Variants in ZNF532 observed in about 807,000 individuals in gnomAD.
ZNF532 encodes the protein zinc finger protein 532.
ZNF532 carries 22 observed loss-of-function variants against 89.3 expected under a neutral mutation model. The observed-to-expected ratio is 0.25, with a 90% CI of 0.18 to 0.35. ZNF532 has a LOEUF of 0.35. Among genes scored for constraint, ZNF532 ranks in the 10% least tolerant of loss-of-function variants. ZNF532 has a pLI of 1.00. For missense variants in ZNF532, 1,132 were observed against 1,643.4 expected (o/e 0.69, Z 5.38); for synonymous variants, 606 against 649.6 (o/e 0.93, Z 1.02).
At chr18:58,892,707 G>A (rs1269087013) in intron 2 of ZNF532, among the ~76,000 whole-genome samples, 3 of 152,282 alleles carry the variant, frequency 2.0e-5, no homozygotes, top group Admixed American at 2.0e-4. Flanking sequence ...TTGTGATGCA[G>A]AAGCAATGTT....
intron 2 of ZNF532, among the ~76,000 whole-genome samples, chr18:58,911,867 G>A (rs1568298137): frequency 6.6e-6 from 1 of 152,222 alleles, no homozygotes; most frequent in Non-Finnish European, 1.5e-5. Flanking sequence ...CTGAGCTTTC[G>A]TTTTGACCCA....
rs1375040476 is a variant in ZNF532 at position 58,888,739 on chromosome 18, T to A, written c.-18+23160T>A. Among the ~76,000 whole-genome samples, 222 of 46,840 alleles carry A rather than the reference T, an allele frequency of 4.7e-3. 13 individuals are homozygous for A. Among genetic ancestry groups the A allele is most frequent in the African/African-American group, 0.028 (198 of 7,018 alleles). 30.7% of individuals were successfully genotyped at this position (46,840 alleles called of 152,430 possible). On this transcript the variant is annotated intron_variant, in intron 2 of 9. Transcript: ENST00000591808. Reference sequence around the variant, plus strand: ...TATATATATATAAATTATATATATATATTTTATATATATATAAAATTAATA... The same window carrying A: ...TATATATATATAAATTATATATATAAATTTTATATATATATAAAATTAATA...
In ZNF532 at chr18:58,919,001, A is replaced by G; in HGVS notation, c.714A>G (p.Arg238=). The change falls in exon 3 of 10, where the codon AGA becomes AGG. Residue 238 remains arginine, a synonymous_variant. Coordinates refer to ENST00000591808, the MANE Select transcript of ZNF532 (RefSeq NM_001375912.1). This position sits in a 1 kb window ranked among gnomAD's most constrained non-coding sequence, Gnocchi z 6.1. ...KESSDKVLEN[R]VLDGKLSSEK... is the part of the protein sequence containing the mutation. Reference sequence around the variant, plus strand: ...GCTCTGACAAGGTGCTGGAAAACAGAGTCCTAGATGGGAAGCTGAGCTCCG... The same window carrying G: ...GCTCTGACAAGGTGCTGGAAAACAGGGTCCTAGATGGGAAGCTGAGCTCCG... 2 of 1,613,558 alleles carry G rather than the reference A, an allele frequency of 1.2e-6. No homozygotes were observed. The highest frequency in any genetic ancestry group is 1.7e-6 in the Non-Finnish European group (2 of 1,180,040).
upstream of ZNF532, chr18:58,863,035 T>C (rs1414226916): frequency 6.6e-6 from 1 of 152,232 alleles, no homozygotes; most frequent in African/African-American, 2.4e-5. Flanking sequence ...TGTCCGAAGA[T>C]AGCGTGCTCT....
At chr18:58,983,899 A>G in intron 9 of ZNF532, 73 bp from the exon 10 acceptor site, 1 of 1,527,844 alleles carries the variant, frequency 6.5e-7, no homozygotes, top group Non-Finnish European at 8.8e-7. Context: ...CTCTAAAGTA[A>G]GAGAACCGAT....
rs2058532324 is a variant in ZNF532, at chr18:58,888,741, T to TTTTATATATATAAAATATATATATAA, written c.-18+23174_-18+23175insAAATATATATATAATTTATATATATA. Among the ~76,000 whole-genome samples the TTTTATATATATAAAATATATATATAA allele has an allele frequency of 5.9e-4, 18 of 30,444 alleles. 1 individual carries two copies. The highest frequency in any genetic ancestry group is 4.0e-3 in the Admixed American group (6 of 1,502). 20.0% of individuals were successfully genotyped at this position (30,444 alleles called of 152,430 possible). A position where few individuals can be genotyped will look rare whatever the true frequency, so the allele number is the denominator to read the frequency against. ...TATATATATAAATTATATATATATA[T>TTTTATATATATAAAATATATATATAA]TTTATATATATATAAAATTAATATA... On this transcript the variant is annotated intron_variant, in intron 2 of 9. Transcript: ENST00000591808.
intron 2 of ZNF532, among the ~76,000 whole-genome samples, chr18:58,886,256 C>T (rs2058297149): frequency 2.0e-5 from 3 of 152,228 alleles, no homozygotes; most frequent in African/African-American, 7.2e-5. Context: ...GCTGAGATTA[C>T]AGGCGTGAGC....
At chr18:58,961,458 C>T (rs1210778496) in intron 7 of ZNF532, among the ~76,000 whole-genome samples, 3 of 152,148 alleles carry the variant, frequency 2.0e-5, no homozygotes, top group Non-Finnish European at 4.4e-5. Flanking sequence ...GTAGGTGTTA[C>T]TGAAAAAAAG....
intron 5 of ZNF532, among the ~76,000 whole-genome samples, chr18:58,946,756 A>T (rs1433951579): frequency 6.6e-6 from 1 of 151,440 alleles, no homozygotes; most frequent in Non-Finnish European, 1.5e-5. Flanking sequence ...GCTTCTCAAC[A>T]CCCCCTCCCC....
At chr18:58,912,806 A>AT (rs1336973911) in intron 2 of ZNF532, among the ~76,000 whole-genome samples, 1 of 151,746 alleles carries the variant, frequency 6.6e-6, no homozygotes, top group East Asian at 1.9e-4. Context: ...CGTGTATGCT[A>AT]TTTTTTTGAA....
intron 6 of ZNF532, 182 bp from the exon 7 acceptor site, chr18:58,953,336 T>C: frequency 1.7e-6 from 1 of 571,618 alleles, no homozygotes; most frequent in Non-Finnish European, 3.0e-6. Context: ...GCATAACGTA[T>C]AGCAGACTTT....
chr18:58,905,592 G>GT (rs2059887387), intron 2 of ZNF532, among the ~76,000 whole-genome samples: 1 of 152,064 alleles, frequency 6.6e-6, no homozygotes, highest in Admixed American at 6.5e-5. Flanking sequence ...TAGAGATGGA[G>GT]TTTTGCCATG....
chr18:58,875,655 CTTATACTTACTGTCCCCTGTAAGG>C (rs1400179945), intron 2 of ZNF532, among the ~76,000 whole-genome samples: 2 of 152,110 alleles, frequency 1.3e-5, no homozygotes. Flanking sequence ...TGCTGGATGC[CTTATACTTACTGTCCCCTGTAAGG>C]TTATACTTCA....
At chr18:58,951,403 C>T (rs1355117303) in intron 6 of ZNF532, among the ~76,000 whole-genome samples, 1 of 152,042 alleles carries the variant, frequency 6.6e-6, no homozygotes, top group East Asian at 1.9e-4. Flanking sequence ...ATGCATTTGC[C>T]TAGAAACTTA....
intron 2 of ZNF532, among the ~76,000 whole-genome samples, chr18:58,884,647 A>G (rs1425444021): frequency 6.6e-6 from 1 of 152,216 alleles, no homozygotes; most frequent in Non-Finnish European, 1.5e-5. Context: ...CAAAATGCCA[A>G]AGGAATGCTT....
At chr18:58,923,831 C>T (rs1046404570) in intron 3 of ZNF532, among the ~76,000 whole-genome samples, 1 of 151,902 alleles carries the variant, frequency 6.6e-6, no homozygotes, top group African/African-American at 2.4e-5. Context: ...GTGCCAAGCC[C>T]CTCCTTTCCT....
chr18:58,945,735 T>C (rs8091870), intron 5 of ZNF532, among the ~76,000 whole-genome samples: 1 of 148,764 alleles, frequency 6.7e-6, no homozygotes, highest in Non-Finnish European at 1.5e-5. Flanking sequence ...TTATTTATTT[T>C]TTTTTTTTTT....
chr18:58,899,066 G>A (rs754904891), intron 2 of ZNF532, among the ~76,000 whole-genome samples: 1 of 152,270 alleles, frequency 6.6e-6, no homozygotes. Context: ...GTAGATTGCT[G>A]TGGGGATCCA....
At chr18:58,915,237 C>T (rs1312895498) in intron 2 of ZNF532, among the ~76,000 whole-genome samples, 4 of 152,210 alleles carry the variant, frequency 2.6e-5, no homozygotes, top group East Asian at 1.9e-4. Flanking sequence ...GATGCGCTTT[C>T]GGTTGGCCAC....
Sources: gnomAD v4.1 joint callset for allele counts (sites outside exome capture counted in the v4.1 genomes callset) on GRCh38, gnomAD v4.1.1 for gene constraint, Gnocchi (gnomAD v3.1) non-coding constraint, MANE v1.5 for transcripts, NCBI Gene and HGNC (gene_info 2026-07-23, HGNC 2026-07-21) for gene names.